RASAL3: variants seen among roughly 807,000 people sequenced by gnomAD.
The protein encoded by RASAL3 is RAS protein activator like-3.
Under a neutral mutation model 105.5 loss-of-function variants are expected in RASAL3, and 74 were observed. That is an observed-to-expected ratio of 0.70 (90% CI 0.58 to 0.85). The LOEUF is 0.85. RASAL3 is among the 40% of genes least tolerant of loss of function. RASAL3 has a pLI of 0.00. For missense variants in RASAL3, 1,352 were observed against 1,392.0 expected, an observed-to-expected ratio of 0.97 and a Z score of 0.46; for synonymous variants, 579 against 591.6, an observed-to-expected ratio of 0.98 and a Z score of 0.31.
In RASAL3 at chr19:15,452,061, T is replaced by G; in HGVS notation, c.2876A>C (p.His959Pro). Reference protein sequence around the residue: ...SEHNLTSNEGHSLKNLEHRLN... With the variant: ...SEHNLTSNEGPSLKNLEHRLN... ...CAATCTCACCAGGTTTTTCAGACTG[T>G]GCCCTTCATTGCTTGTTAGGTTGTG... The change falls in exon 17 of 18, where the codon CAC (histidine) becomes CCC (proline). Residue 959 changes from histidine to proline, a missense_variant. Transcript: ENST00000343625. 6.2e-7 allele frequency: 1 copy of G among 1,613,930 alleles called. No homozygotes were observed. The highest frequency in any genetic ancestry group is 8.5e-7 in the Non-Finnish European group (1 of 1,179,866).
At position 15,453,597 on chromosome 19, in the gene RASAL3, C is replaced by CT; in HGVS notation, c.2280-101dup. ...ACCTCACCCCCCACGTGAACTTGTCCTTTCTTTTTTTTTTTTGAGACAAGG... is the reference window on the plus strand; with the variant it reads ...ACCTCACCCCCCACGTGAACTTGTCCTTTTCTTTTTTTTTTTTGAGACAAGG... On this transcript the variant is annotated intron_variant, in intron 14 of 17. Transcript: ENST00000343625. The surrounding 1 kb of genome is among the most constrained non-coding windows in gnomAD (Gnocchi z 4.2). The CT allele has an allele frequency of 8.0e-7, 1 of 1,250,846 alleles. No homozygotes were observed. Among genetic ancestry groups the CT allele is most frequent in the Non-Finnish European group, 1.1e-6 (1 of 948,094 alleles). The allele number at this position is 1,250,846 out of a possible 1,614,324, so 77.5% of individuals were successfully genotyped here. A position where few individuals can be genotyped will look rare whatever the true frequency, so the allele number is the denominator to read the frequency against.
At position 15,460,241 on chromosome 19, in the gene RASAL3, C is replaced by G; in HGVS notation, c.624G>C (p.Leu208=). ...VHNVRGLLKR[L]KEKKKARLEP... is the part of the protein sequence containing the mutation. Reference sequence around the variant, plus strand: ...CCAACCTGGCCTTTTTCTTCTCTTTCAGCCTCTTGAGCAACCCCTGTGGGG... The same window carrying G: ...CCAACCTGGCCTTTTTCTTCTCTTTGAGCCTCTTGAGCAACCCCTGTGGGG... Residue 208 remains leucine (L), a synonymous_variant, in exon 6 of 18, where the codon CTG becomes CTC. Transcript: ENST00000343625. The G allele has an allele frequency of 3.1e-6, 5 of 1,609,058 alleles. No homozygotes were observed. The highest frequency in any genetic ancestry group is 4.2e-6 in the Non-Finnish European group (5 of 1,177,802).
chr19:15,452,945 G>C, intron 15 of RASAL3, 130 bp from the exon 16 acceptor site: 1 of 1,449,820 alleles, frequency 6.9e-7, no homozygotes, highest in South Asian at 1.3e-5. Context: ...TCCCTCCTGC[G>C]GTACAGCTGG....
In RASAL3 at chr19:15,461,135, T is replaced by C. The variant is rs1599750111; in HGVS notation, c.545-14A>G. ...CAGGCATCCGATCTGTGGGTCGTTA[T>C]GGGTGGCAGGTTGGGGGGTTGGATT... On this transcript the variant is annotated splice_polypyrimidine_tract_variant and intron_variant, in intron 4 of 17. Coordinates refer to ENST00000343625, the MANE Select transcript of RASAL3 (RefSeq NM_022904.3). 1.2e-6 allele frequency: 2 copies of C among 1,613,918 alleles called. No individual in the cohort carries two copies. Among genetic ancestry groups the C allele is most frequent in the Non-Finnish European group, 1.7e-6 (2 of 1,179,864 alleles).
chr19:15,461,417 C>T, intron 3 of RASAL3, 54 bp downstream of exon 3: 1 of 1,532,082 alleles, frequency 6.5e-7, no homozygotes, highest in Non-Finnish European at 8.8e-7. Flanking sequence ...CTCTGTTCTG[C>T]CCTCCTCCTT....
chr19:15,453,276 G>T lies in RASAL3; in HGVS notation c.2501C>A (p.Pro834His). Residue 834 changes from proline (P) to histidine (H), a missense_variant, in exon 15 of 18, where the codon CCC becomes CAC. Pro to His is a moderately conservative substitution (Grantham distance 77). Around this residue, in one of 3 missense-constraint regions of RASAL3, gnomAD observed 920 missense variants for 919.6 expected, o/e 1.00. Coordinates refer to ENST00000343625, the MANE Select transcript of RASAL3 (RefSeq NM_022904.3). This position sits in a 1 kb window ranked among gnomAD's most constrained non-coding sequence, Gnocchi z 4.2. The stretch of plus-strand genomic sequence containing the variant: ...CAGGGAGCCTTTGGGTCGCGGCCAG[G>T]GCCCCGCAGATTGGCGGCGGCGGGC... ...RPARRRQSAG[P>H]WPRPKGSLSM... 6.5e-7 allele frequency: 1 copy of T among 1,540,724 alleles called. No homozygotes were observed.
chr19:15,456,184 T>C lies in RASAL3; in HGVS notation c.1641A>G (p.Pro547=). ...CCTGGTGCTCTGGCAGCTCCGAGGC[T>C]GGACATTTGCTGGGGTCCACTTCAC... ...EDCEVDPSKC[P]ASELPEHQAR... is the part of the protein sequence containing the mutation. Residue 547 remains proline (P), a synonymous_variant, in exon 11 of 18, where the codon CCA becomes CCG. Coordinates refer to ENST00000343625, the MANE Select transcript of RASAL3 (RefSeq NM_022904.3). This position sits in a 1 kb window ranked among gnomAD's most constrained non-coding sequence, Gnocchi z 4.4. 1 of 1,613,846 alleles carries C rather than the reference T, an allele frequency of 6.2e-7. No homozygotes were observed. Among genetic ancestry groups the C allele is most frequent in the East Asian group, 2.2e-5 (1 of 44,878 alleles).
chr19:15,453,484 C>T lies in RASAL3; in HGVS notation c.2293G>A (p.Glu765Lys), dbSNP rs1970224673. ...AQVHSSLSAG[E>K]KPGFLAPRDL... is the part of the protein sequence containing the mutation. ...CGGGGGGCCAGGAAGCCGGGCTTCTCCCCTGCGGAGAGGCTAGGGGTGGGA... is the reference window on the plus strand; with the variant it reads ...CGGGGGGCCAGGAAGCCGGGCTTCTTCCCTGCGGAGAGGCTAGGGGTGGGA... Residue 765 changes from glutamate to lysine, a missense_variant, in exon 15 of 18, where the codon GAG becomes AAG. Around this residue, in one of 3 missense-constraint regions of RASAL3, gnomAD observed 920 missense variants for 919.6 expected, o/e 1.00. Coordinates refer to ENST00000343625, the MANE Select transcript of RASAL3 (RefSeq NM_022904.3). This position sits in a 1 kb window ranked among gnomAD's most constrained non-coding sequence, Gnocchi z 4.2. 1.3e-6 allele frequency: 2 copies of T among 1,533,712 alleles called. No individual in the cohort carries two copies. Among genetic ancestry groups the T allele is most frequent in the South Asian group, 1.2e-5 (1 of 80,652 alleles).
chr19:15,452,586 G>GA, intron 16 of RASAL3, 72 bp downstream of exon 16: 1 of 1,183,404 alleles, frequency 8.5e-7, no homozygotes, highest in Non-Finnish European at 1.1e-6. Context: ...GGGGGGGGGG[G>GA]GGAGGGCCTG....
At chr19:15,452,515 G>T in intron 16 of RASAL3, 143 bp downstream of exon 16, 1 of 775,330 alleles carries the variant, frequency 1.3e-6, no homozygotes, top group Non-Finnish European at 2.0e-6. Context: ...CAAGAGGCAG[G>T]GCCTGGACAG....
At position 15,456,958 on chromosome 19, in the gene RASAL3, C is replaced by G. The variant is rs993870285; in HGVS notation, c.1432-312G>C. ...CCCCTTATGGGTGATAATTAGGCCCCGCCCCTCACAGCTGAAGCTCAGGCC... is the reference window on the plus strand; with the variant it reads ...CCCCTTATGGGTGATAATTAGGCCCGGCCCCTCACAGCTGAAGCTCAGGCC... On this transcript the variant is annotated intron_variant, in intron 9 of 17. Transcript: ENST00000343625. The surrounding 1 kb of genome is among the most constrained non-coding windows in gnomAD (Gnocchi z 4.4). The G allele has an allele frequency of 1.2e-5, 6 of 481,480 alleles. No homozygotes were observed. The South Asian group carries it at 1.7e-4, about 13-fold the overall frequency. The allele number at this position is 481,480 out of a possible 1,614,324, so 29.8% of individuals were successfully genotyped here.
At position 15,454,925 on chromosome 19, in the gene RASAL3, G is replaced by T. The variant is rs772617222; in HGVS notation, c.1722-32C>A. On this transcript the variant is annotated intron_variant, in intron 11 of 17. Transcript: ENST00000343625. ...CAGAAGAGGCAATGAATGGTCAGAC[G>T]GGGAGGCTATGGGCATAAAGGTTAA... 2.7e-6 allele frequency: 4 copies of T among 1,493,862 alleles called. No homozygotes were observed. In the South Asian group the frequency reaches 3.7e-5, roughly 14 times the overall value. The allele number at this position is 1,493,862 out of a possible 1,614,324, so 92.5% of individuals were successfully genotyped here. A position where few individuals can be genotyped will look rare whatever the true frequency, so the allele number is the denominator to read the frequency against.
Position 15,457,828 on chromosome 19 carries a change from C to T in RASAL3, c.895G>A (p.Val299Met), listed in dbSNP as rs748014869. Residue 299 changes from valine (V) to methionine (M), a missense_variant, in exon 9 of 18, where the codon GTG becomes ATG. By Grantham distance (21) the Val-to-Met change is conservative. Transcript: ENST00000343625. The surrounding 1 kb of genome is among the most constrained non-coding windows in gnomAD (Gnocchi z 8.6). ...CTCAGCCATGTCTCTTCCCGCTCCA[C>T]GTTGTCCTGCAGATGGGAGTGGGAT... is the stretch of plus-strand genomic sequence containing the variant. The part of the protein sequence containing the change: ...RRQFQPTQDN[V>M]EREETWLSVW... 1.0e-5 allele frequency: 16 copies of T among 1,548,712 alleles called. No individual in the cohort carries two copies. In the South Asian group the frequency reaches 1.5e-4, roughly 15 times the overall value.
chr19:15,454,362 T>G lies in RASAL3; in HGVS notation c.2159A>C (p.Gln720Pro). The change falls in exon 13 of 18, where the codon CAG becomes CCG. Residue 720 changes from glutamine (Q) to proline (P), a missense_variant and splice_region_variant. Physicochemically the swap from Gln to Pro is moderately conservative, Grantham distance 76. This residue lies in a region of RASAL3 where 920 missense variants were observed against 919.6 expected (regional missense o/e 1.00). Coordinates refer to ENST00000343625, the MANE Select transcript of RASAL3 (RefSeq NM_022904.3). The stretch of plus-strand genomic sequence containing the variant: ...CCCTACTCTGGGTTCAGGCCATACC[T>G]GGTCAAGCTCAGCAAAAATTGTACA... The part of the protein sequence containing the change: ...QLCTIFAELD[Q>P]TTRDTLEPLP... 6.2e-7 allele frequency: 1 copy of G among 1,609,788 alleles called. No individual in the cohort carries two copies. Among genetic ancestry groups the G allele is most frequent in the Non-Finnish European group, 8.5e-7 (1 of 1,177,910 alleles).
chr19:15,452,206 G>T (rs1970172915), intron 16 of RASAL3, 98 bp from the exon 17 acceptor site: 2 of 1,235,848 alleles, frequency 1.6e-6, no homozygotes, highest in African/African-American at 1.5e-5. Context: ...GGAGCTTGGA[G>T]TGGAGGCGGA....
chr19:15,461,644 C>T (rs767120312), intron 2 of RASAL3, 37 bp from the exon 3 acceptor site: 20 of 1,473,440 alleles, frequency 1.4e-5, no homozygotes, highest in East Asian at 9.9e-5. Flanking sequence ...ACTTAAGAGA[C>T]GTTTTCTCTC....
At position 15,454,318 on chromosome 19, in the gene RASAL3, C is replaced by T. The variant is rs1293273455; in HGVS notation, c.2160+43G>A. The T allele has an allele frequency of 1.9e-6, 3 of 1,574,988 alleles. No individual in the cohort carries two copies. In the South Asian group the frequency reaches 3.5e-5, roughly 18 times the overall value. Reference sequence around the variant, plus strand: ...TGAGCAAAGTCTCCAGGGTCAGAGTCTCCCAAGCCTTCTTGCCTCCCTACT... The same window carrying T: ...TGAGCAAAGTCTCCAGGGTCAGAGTTTCCCAAGCCTTCTTGCCTCCCTACT... On this transcript the variant is annotated intron_variant, in intron 13 of 17. Coordinates refer to ENST00000343625, the MANE Select transcript of RASAL3 (RefSeq NM_022904.3).
Position 15,453,307 on chromosome 19 carries a change from G to T in RASAL3, c.2470C>A (p.Arg824Ser). The T allele has an allele frequency of 6.7e-7, 1 of 1,489,084 alleles. No homozygotes were observed. Among genetic ancestry groups the T allele is most frequent in the South Asian group, 1.3e-5 (1 of 75,334 alleles). The allele number at this position is 1,489,084 out of a possible 1,614,324, so 92.2% of individuals were successfully genotyped here. A position where few individuals can be genotyped will look rare whatever the true frequency, so the allele number is the denominator to read the frequency against. Residue 824 changes from arginine to serine, a missense_variant, in exon 15 of 18, where the codon CGT (arginine) becomes AGT (serine). This residue lies in a region of RASAL3 where 920 missense variants were observed against 919.6 expected (regional missense o/e 1.00). Transcript: ENST00000343625. This position sits in a 1 kb window ranked among gnomAD's most constrained non-coding sequence, Gnocchi z 4.2. Reference protein sequence around the residue: ...VQRTQSVPVRRPARRRQSAGP... With the variant: ...VQRTQSVPVRSPARRRQSAGP... ...GCAGATTGGCGGCGGCGGGCAGGAC[G>T]CCGGACCGGGACACTCTGCGTGCGC...
At chr19:15,451,965 A>G in intron 17 of RASAL3, 27 bp from the exon 18 acceptor site, 2 of 1,612,174 alleles carry the variant, frequency 1.2e-6, no homozygotes, top group Non-Finnish European at 1.7e-6. Context: ...GATGGGGTTC[A>G]GAAACCAGGA....
Sources: allele counts gnomAD v4.1 joint callset, GRCh38; gene constraint gnomAD v4.1.1; regional missense constraint gnomAD v4.1.1; non-coding constraint Gnocchi (gnomAD v3.1); transcripts MANE v1.5; gene names NCBI Gene and HGNC (gene_info 2026-07-23, HGNC 2026-07-21).